The following ZBTB46 variants were observed in gnomAD, a reference collection of about 807,000 sequenced individuals.
The protein encoded by ZBTB46 is zinc finger and BTB domain containing 46, also known as zinc finger and BTB domain-containing protein 46.
A neutral mutation model predicts 44.1 loss-of-function variants in ZBTB46; 8 were observed. The observed-to-expected ratio is 0.18, with a 90% CI of 0.11 to 0.33. ZBTB46 has a LOEUF of 0.33. ZBTB46 is among the 10% of genes least tolerant of loss of function. The pLI is 1.00. For missense variants in ZBTB46, 651 were observed against 847.7 expected (o/e 0.77, Z 2.88); for synonymous variants, 409 against 382.3 (o/e 1.07, Z -0.81).
intron 1 of ZBTB46, among the ~76,000 whole-genome samples, chr20:63,794,517 A>C (rs571495216): frequency 2.0e-5 from 3 of 152,220 alleles, no homozygotes; most frequent in Non-Finnish European, 4.4e-5. Context: ...TTCAAAAGAG[A>C]TTAGTCAGCT....
chr20:63,753,867 C>T, intron 3 of ZBTB46, among the ~76,000 whole-genome samples: 1 of 152,250 alleles, frequency 6.6e-6, no homozygotes, highest in Non-Finnish European at 1.5e-5. Context: ...GAGGCTCCTA[C>T]AGATGGGTCT....
intron 1 of ZBTB46, among the ~76,000 whole-genome samples, chr20:63,810,190 T>A (rs1477135971): frequency 6.6e-6 from 1 of 151,994 alleles, no homozygotes. Context: ...TCCAAGATGT[T>A]CCAAGCACTG....
At chr20:63,761,195 C>T (rs956878459) in intron 3 of ZBTB46, among the ~76,000 whole-genome samples, 2 of 140,542 alleles carry the variant, frequency 1.4e-5, no homozygotes, top group East Asian at 2.0e-4. Context: ...GACAGGGTTT[C>T]ACCATGTTGA....
chr20:63,746,884 C>T lies in ZBTB46; in HGVS notation c.*46G>A, dbSNP rs373590114. Reference sequence around the variant, plus strand: ...AGTGGAGACCCACCGGACACACACACGGGTGGACGGAGCGAGGCAGCCACC... The same window carrying T: ...AGTGGAGACCCACCGGACACACACATGGGTGGACGGAGCGAGGCAGCCACC... On this transcript the variant is annotated 3_prime_UTR_variant, in exon 5 of 5. Transcript: ENST00000245663. 3.0e-5 allele frequency: 44 copies of T among 1,473,858 alleles called. No homozygotes were observed. The East Asian group carries it at 4.1e-4, about 14-fold the overall frequency. 91.3% of individuals were successfully genotyped at this position (1,473,858 alleles called of 1,614,324 possible). A position where few individuals can be genotyped will look rare whatever the true frequency, so the allele number is the denominator to read the frequency against.
intron 1 of ZBTB46, among the ~76,000 whole-genome samples, chr20:63,798,365 C>T (rs1361072115): frequency 1.3e-5 from 2 of 151,890 alleles, no homozygotes; most frequent in South Asian, 2.1e-4. Flanking sequence ...CCGGTCTTTA[C>T]AAAAAATACA....
intron 3 of ZBTB46, among the ~76,000 whole-genome samples, chr20:63,759,642 C>T (rs1258000543): frequency 6.6e-6 from 1 of 152,178 alleles, no homozygotes; most frequent in Non-Finnish European, 1.5e-5. Context: ...CTCTCAGGGG[C>T]AGCCCTGCAC....
chr20:63,790,994 G>T (rs939093381), intron 1 of ZBTB46: 29 of 635,562 alleles, frequency 4.6e-5, no homozygotes, highest in Non-Finnish European at 6.8e-5. Flanking sequence ...GCACCAGTGC[G>T]TCCAGGGTGG....
In ZBTB46 at chr20:63,819,225, CCTT is replaced by C. The variant is rs2092777654; in HGVS notation, c.-34+11869_-34+11871del. On this transcript the variant is annotated intron_variant, in intron 1 of 4. Transcript: ENST00000245663. ...AACTCATGACTTCCTGGATGCGCTT[CCTT>C]CTTAAGACAAGGCAAAAATTAGGTG... 2.6e-5 allele frequency among the ~76,000 whole-genome samples: 4 copies of C among 152,182 alleles called. No individual in the cohort carries two copies. In the South Asian group the frequency reaches 8.3e-4, roughly 32 times the overall value.
chr20:63,806,789 G>GT lies in ZBTB46; in HGVS notation c.-33-16000dup, dbSNP rs1048528462. Among the ~76,000 whole-genome samples, 474 of 142,990 alleles carry GT rather than the reference G, an allele frequency of 3.3e-3. 1 individual carries two copies. Among genetic ancestry groups the GT allele is most frequent in the Non-Finnish European group, 4.1e-3 (264 of 64,834 alleles). The allele number at this position is 142,990 out of a possible 152,430, so 93.8% of individuals were successfully genotyped here. A position where few individuals can be genotyped will look rare whatever the true frequency, so the allele number is the denominator to read the frequency against. ...ACGCCCAGCTAATTGTTTTGTTTTG[G>GT]TTTTTTTTTTTGAGATGGAGTCTCG... is the stretch of plus-strand genomic sequence containing the variant. On this transcript the variant is annotated intron_variant, in intron 1 of 4. Coordinates refer to ENST00000245663, the MANE Select transcript of ZBTB46 (RefSeq NM_001369741.1).
At chr20:63,831,778 G>C (rs2092853783), upstream of ZBTB46, among the ~76,000 whole-genome samples, 1 of 151,024 alleles carries the variant, frequency 6.6e-6, no homozygotes, top group African/African-American at 2.4e-5. Context: ...CAGGTCACCG[G>C]CCGTCCCCGC....
intron 2 of ZBTB46, among the ~76,000 whole-genome samples, chr20:63,789,037 G>A (rs1364927297): frequency 1.3e-5 from 2 of 150,870 alleles, no homozygotes; most frequent in African/African-American, 4.9e-5. Flanking sequence ...GGCTGGTCTT[G>A]AACTCCCGAC....
intron 2 of ZBTB46, among the ~76,000 whole-genome samples, chr20:63,779,406 ATTTTTTTTTTT>A (rs59166121): frequency 0.59 from 62,959 of 106,296 alleles, 17,606 homozygotes; most frequent in South Asian, 0.69. Context: ...ACGCCGGCTA[ATTTTTTTTTTT>A]TTTTTTTTTT....
At chr20:63,800,625 T>C (rs1010133897) in intron 1 of ZBTB46, among the ~76,000 whole-genome samples, 4 of 152,108 alleles carry the variant, frequency 2.6e-5, no homozygotes, top group Admixed American at 6.5e-5. Context: ...GAGTTCCGGG[T>C]GGGTGTGGGC....
chr20:63,828,967 T>A (rs560958471), intron 1 of ZBTB46, among the ~76,000 whole-genome samples: 29 of 152,344 alleles, frequency 1.9e-4, no homozygotes, highest in Admixed American at 7.8e-4. Flanking sequence ...TCCCTTAATT[T>A]AAAAACCCCA....
At chr20:63,812,409 G>A (rs916503348) in intron 1 of ZBTB46, among the ~76,000 whole-genome samples, 2 of 151,624 alleles carry the variant, frequency 1.3e-5, no homozygotes, top group South Asian at 2.1e-4. Context: ...TTTGGGAGGC[G>A]GAGGCGGGCG....
rs548674411 is a variant in ZBTB46 at position 63,804,708 on chromosome 20, AT to A, written c.-33-13919del. Among the ~76,000 whole-genome samples the A allele has an allele frequency of 1.8e-4, 28 of 152,062 alleles. 1 individual carries two copies. The East Asian group carries it at 5.1e-3, about 28-fold the overall frequency. The stretch of plus-strand genomic sequence containing the variant: ...AGAGATCGAGACCAGCCTGGCCAAC[AT>A]GGTGAAACCCCGTCTCTACCAAAAT... On this transcript the variant is annotated intron_variant, in intron 1 of 4. Coordinates refer to ENST00000245663, the MANE Select transcript of ZBTB46 (RefSeq NM_001369741.1).
Position 63,747,178 on chromosome 20 carries a change from C to A in ZBTB46, c.1522G>T (p.Gly508Cys), listed in dbSNP as rs376393528. ...CCATGGTCCAGGGGCCCGGCCATGC[C>A]GCGGCCAGCACAGTCGGTGCACACA... ...HGVCTDCAGR[G>C]MAGPLDHGGG... The change falls in exon 5 of 5, where the codon GGC (glycine) becomes TGC (cysteine). Residue 508 changes from glycine to cysteine, a missense_variant. Coordinates refer to ENST00000245663, the MANE Select transcript of ZBTB46 (RefSeq NM_001369741.1). 11 of 1,608,998 alleles carry A rather than the reference C, an allele frequency of 6.8e-6. No individual in the cohort carries two copies. The East Asian group carries it at 2.5e-4, about 36-fold the overall frequency.
intron 3 of ZBTB46, chr20:63,768,083 G>A (rs1265176216): frequency 1.0e-6 from 1 of 985,334 alleles, no homozygotes; most frequent in Admixed American, 6.1e-5. Context: ...CTGGGATGTT[G>A]TCCAATCACT....
intron 2 of ZBTB46, among the ~76,000 whole-genome samples, chr20:63,780,012 C>A (rs1197959301): frequency 6.6e-6 from 1 of 152,086 alleles, no homozygotes; most frequent in South Asian, 2.1e-4. Context: ...GTGTCTCATG[C>A]CTGTAATCCC....
Sources: allele counts gnomAD v4.1 joint callset (sites outside exome capture counted in the v4.1 genomes callset), GRCh38; gene constraint gnomAD v4.1.1; transcripts MANE v1.5; gene names NCBI Gene and HGNC (gene_info 2026-07-23, HGNC 2026-07-21).